VPS13B: variants seen among roughly 807,000 people sequenced by gnomAD.
The protein encoded by VPS13B is vacuolar protein sorting 13 homolog B, also known as intermembrane lipid transfer protein VPS13B.
Under a neutral mutation model 426.4 loss-of-function variants are expected in VPS13B, and 285 were observed. The observed-to-expected ratio is 0.67, with a 90% CI of 0.61 to 0.74. The LOEUF (loss-of-function observed/expected upper bound fraction) is 0.74, where lower values mean the gene tolerates loss of function less well. Ranked by LOEUF, VPS13B falls within the 30% of genes least tolerant of loss-of-function variation. The probability of loss-of-function intolerance (pLI) is 0.00; values close to 1 mark genes in which losing one functional copy is unlikely to be tolerated. For synonymous variants in VPS13B, 1,676 were observed against 1,676.4 expected (o/e 1.00, Z 0.01); for missense variants, 4,537 against 4,782.6 (o/e 0.95, Z 1.51).
intron 39 of VPS13B, among the ~76,000 whole-genome samples, chr8:99,763,135 CAAAAAAAAAAAAAAAAA>C (rs750289763): frequency 5.6e-5 from 2 of 35,848 alleles, no homozygotes; most frequent in African/African-American, 2.8e-4. Flanking sequence ...GACCTTGTCT[CAAAAAAAAAAAAAAAAA>C]AAAAAAAAAA....
chr8:99,234,212 C>T (rs1816514854), intron 17 of VPS13B: 1 of 776,746 alleles, frequency 1.3e-6, no homozygotes, highest in African/African-American at 1.7e-5. Flanking sequence ...CAAACTGATG[C>T]CCGCTTAGCT....
At chr8:99,763,089 T>A (rs1265387079) in intron 39 of VPS13B, among the ~76,000 whole-genome samples, 2 of 124,146 alleles carry the variant, frequency 1.6e-5, no homozygotes, top group Non-Finnish European at 3.1e-5. Context: ...TGAGCTGTGA[T>A]CACACCACTT....
At chr8:99,216,329 T>A (rs1319268807) in intron 17 of VPS13B, among the ~76,000 whole-genome samples, 1 of 152,196 alleles carries the variant, frequency 6.6e-6, no homozygotes, top group Non-Finnish European at 1.5e-5. Context: ...TATAACCACT[T>A]ATTTTTCATG....
chr8:99,242,671 C>T (rs763996014), intron 17 of VPS13B, among the ~76,000 whole-genome samples: 36 of 152,114 alleles, frequency 2.4e-4, no homozygotes, highest in Non-Finnish European at 1.5e-4. Context: ...TATATTGATT[C>T]TTCTGATATT....
chr8:99,792,664 G>A (rs759531181), intron 43 of VPS13B, among the ~76,000 whole-genome samples: 1 of 152,214 alleles, frequency 6.6e-6, no homozygotes, highest in South Asian at 2.1e-4. Flanking sequence ...AGAAGTTAAG[G>A]CCCTTGTCTT....
Position 99,121,286 on chromosome 8 carries a change from C to T in VPS13B, c.1047C>T (p.Ala349=), listed in dbSNP as rs751477638. 6.2e-7 allele frequency: 1 copy of T among 1,614,142 alleles called. No homozygotes were observed. ...AGCCACAGGGATGGGTGTCATGGGCCTGGTCCTTTGTGCCTGCAATTGTGA... is the reference window on the plus strand; with the variant it reads ...AGCCACAGGGATGGGTGTCATGGGCTTGGTCCTTTGTGCCTGCAATTGTGA... ...EEQPQGWVSW[A]WSFVPAIVSY... is the part of the protein sequence containing the mutation. The change falls in exon 8 of 62, where the codon GCC becomes GCT. Residue 349 remains alanine (A), a synonymous_variant. Transcript: ENST00000357162.
intron 6 of VPS13B, 80 bp from the exon 7 acceptor site, chr8:99,115,620 G>A: frequency 7.2e-7 from 1 of 1,386,728 alleles, no homozygotes; most frequent in East Asian, 2.3e-5. Flanking sequence ...GCCATTTAAA[G>A]ACTTTAAAAC....
intron 17 of VPS13B, among the ~76,000 whole-genome samples, chr8:99,238,937 TGA>T (rs1057307763): frequency 5.3e-5 from 8 of 152,134 alleles, no homozygotes; most frequent in African/African-American, 1.7e-4. Flanking sequence ...AAAAATCTAC[TGA>T]GAGAGGAAGG....
chr8:99,671,139 C>T (rs1005590586), intron 35 of VPS13B, among the ~76,000 whole-genome samples: 3 of 152,058 alleles, frequency 2.0e-5, no homozygotes, highest in African/African-American at 4.8e-5. Flanking sequence ...ACATCCTTGC[C>T]AACACTTGTT....
intron 19 of VPS13B, among the ~76,000 whole-genome samples, chr8:99,379,400 C>G (rs1813674121): frequency 6.6e-6 from 1 of 151,924 alleles, no homozygotes; most frequent in African/African-American, 2.4e-5. Context: ...GTTTCCTTTT[C>G]TAGCTGTTAC....
chr8:99,542,386 C>T (rs970686683), intron 30 of VPS13B, among the ~76,000 whole-genome samples: 4 of 152,144 alleles, frequency 2.6e-5, no homozygotes, highest in African/African-American at 7.2e-5. Context: ...CACTGCAAAA[C>T]TCAGTGGAAG....
At chr8:99,829,329 T>C (rs1814911466) in intron 51 of VPS13B, among the ~76,000 whole-genome samples, 1 of 152,194 alleles carries the variant, frequency 6.6e-6, no homozygotes, top group Non-Finnish European at 1.5e-5. Context: ...CTTTTCATGC[T>C]TTATTTCATT....
intron 52 of VPS13B, 50 bp downstream of exon 52, chr8:99,832,702 C>T: frequency 6.3e-7 from 1 of 1,584,748 alleles, no homozygotes; most frequent in Non-Finnish European, 8.6e-7. Flanking sequence ...GTCAGTCTAG[C>T]TGTTCATCTA....
chr8:99,286,722 C>G (rs1052677674), intron 19 of VPS13B, among the ~76,000 whole-genome samples: 2 of 152,136 alleles, frequency 1.3e-5, no homozygotes, highest in Non-Finnish European at 2.9e-5. Context: ...CATTGAAGCA[C>G]AAGTTATTTC....
At chr8:99,832,245 G>T (rs940541346) in intron 51 of VPS13B, 124 bp from the exon 52 acceptor site, 1 of 1,341,300 alleles carries the variant, frequency 7.5e-7, no homozygotes. Flanking sequence ...CTGCGTGATG[G>T]AGTGAGACTG....
At chr8:99,176,674 A>G (rs1156620434) in intron 16 of VPS13B, among the ~76,000 whole-genome samples, 2 of 152,256 alleles carry the variant, frequency 1.3e-5, no homozygotes, top group Admixed American at 6.5e-5. Context: ...CAGTTTTGCC[A>G]GCTAGCACAA....
At chr8:99,138,067 C>T (rs1027130657) in intron 12 of VPS13B, among the ~76,000 whole-genome samples, 4 of 152,166 alleles carry the variant, frequency 2.6e-5, no homozygotes, top group Non-Finnish European at 5.9e-5. Context: ...CAGATGATAA[C>T]AGTGGTATCA....
At chr8:99,280,386 C>T (rs780241701) in intron 19 of VPS13B, among the ~76,000 whole-genome samples, 20 of 152,206 alleles carry the variant, frequency 1.3e-4, no homozygotes, top group Non-Finnish European at 2.5e-4. Flanking sequence ...GCTGTTAAGA[C>T]GGTATATATT....
chr8:99,161,877 T>G (rs1218825781), intron 15 of VPS13B, among the ~76,000 whole-genome samples: 4 of 151,630 alleles, frequency 2.6e-5, no homozygotes, highest in Admixed American at 1.3e-4. Context: ...GGATTACAGG[T>G]GTGCACCACC....
Sources: gnomAD v4.1 joint callset for allele counts (sites outside exome capture counted in the v4.1 genomes callset) on GRCh38, gnomAD v4.1.1 for gene constraint, MANE v1.5 for transcripts, NCBI Gene and HGNC (gene_info 2026-07-23, HGNC 2026-07-21) for gene names.